Variants in CFAP418 observed in about 807,000 individuals in gnomAD.
CFAP418 encodes the protein cilia- and flagella-associated protein 418.
A neutral mutation model predicts 24.7 loss-of-function variants in CFAP418; 27 were observed. The ratio of observed to expected loss-of-function variants is 1.09; its 90% confidence interval spans 0.81 to 1.51. The LOEUF is 1.51. Ranked by LOEUF, CFAP418 falls within the 40% of genes most tolerant of loss-of-function variation. The pLI, the probability that CFAP418 is intolerant of heterozygous loss-of-function variation, is 0.00. For missense variants in CFAP418, 257 were observed against 255.2 expected, an observed-to-expected ratio of 1.01 and a Z score of -0.05; for synonymous variants, 74 against 87.3, an observed-to-expected ratio of 0.85 and a Z score of 0.85.
intron 2 of CFAP418, among the ~76,000 whole-genome samples, chr8:95,260,743 TACTA>T (rs761450725): frequency 1.6e-4 from 25 of 152,190 alleles, no homozygotes; most frequent in Non-Finnish European, 2.5e-4. Context: ...CAAATTACTC[TACTA>T]ACTTTTAGGC....
intron 5 of CFAP418, among the ~76,000 whole-genome samples, chr8:95,250,970 A>G (rs145463477): frequency 4.6e-5 from 7 of 152,346 alleles, no homozygotes; most frequent in African/African-American, 1.7e-4. Flanking sequence ...TCTTTATGCT[A>G]TTGAAAAGTG....
intron 1 of CFAP418, 34 bp downstream of exon 1, chr8:95,269,001 T>TA (rs758680039): frequency 6.2e-7 from 1 of 1,606,970 alleles, no homozygotes; most frequent in Non-Finnish European, 8.5e-7. Context: ...AGCAGGGCTT[T>TA]ACCAGAACAG....
intron 1 of CFAP418, among the ~76,000 whole-genome samples, chr8:95,268,542 G>A (rs1052783083): frequency 3.3e-5 from 5 of 151,944 alleles, no homozygotes; most frequent in Admixed American, 2.0e-4. Flanking sequence ...TGGGGTCTGA[G>A]GCAATGGGAT....
chr8:95,253,789 T>G (rs954109087), intron 4 of CFAP418, among the ~76,000 whole-genome samples: 4 of 152,228 alleles, frequency 2.6e-5, no homozygotes, highest in African/African-American at 9.6e-5. Context: ...TGCAAATTGA[T>G]AGTTCCCAAA....
chr8:95,255,933 A>G (rs1283723547), intron 4 of CFAP418, among the ~76,000 whole-genome samples: 1 of 152,244 alleles, frequency 6.6e-6, no homozygotes, highest in East Asian at 1.9e-4. Context: ...GCAACTAATA[A>G]AAAATCTGTG....
chr8:95,268,593 G>T (rs537999419), intron 1 of CFAP418, among the ~76,000 whole-genome samples: 12 of 152,118 alleles, frequency 7.9e-5, no homozygotes, highest in Admixed American at 7.9e-4. Context: ...GATGAGAACC[G>T]CTTGGCCACA....
chr8:95,267,847 G>T (rs1368267151), intron 1 of CFAP418, among the ~76,000 whole-genome samples: 2 of 151,504 alleles, frequency 1.3e-5, no homozygotes, highest in African/African-American at 2.4e-5. Context: ...AAGAGTTACT[G>T]AAGGTCAATA....
intron 4 of CFAP418, among the ~76,000 whole-genome samples, chr8:95,253,929 T>C (rs1396634918): frequency 6.6e-6 from 1 of 152,252 alleles, no homozygotes; most frequent in Non-Finnish European, 1.5e-5. Flanking sequence ...TAATTTAGAA[T>C]TTCCTGACAT....
At chr8:95,263,021 T>C (rs1467982920) in intron 2 of CFAP418, among the ~76,000 whole-genome samples, 1 of 152,174 alleles carries the variant, frequency 6.6e-6, no homozygotes, top group African/African-American at 2.4e-5. Context: ...AATGAAAGTA[T>C]AAATGTATGG....
Position 95,252,266 on chromosome 8 carries a change from C to T in CFAP418, c.392G>A (p.Arg131His), listed in dbSNP as rs139137766. 1.6e-4 allele frequency: 263 copies of T among 1,613,002 alleles called. 3 individuals carry two copies. In the African/African-American group the frequency reaches 2.8e-3, roughly 17 times the overall value. ...TACCAAGAAATCACAGGCTATACAA[C>T]GCAGATGGTCACATGCTCTGTTCAG... ...NISWRACDHL[R>H]CIACDFLVVS... Residue 131 changes from arginine (R) to histidine (H), a missense_variant, in exon 5 of 6, where the codon CGT (arginine) becomes CAT (histidine). By Grantham distance (29) the Arg-to-His change is conservative. Transcript: ENST00000286688.
chr8:95,248,273 C>G (rs1272203008), intron 5 of CFAP418, among the ~76,000 whole-genome samples: 1 of 152,180 alleles, frequency 6.6e-6, no homozygotes, highest in African/African-American at 2.4e-5. Flanking sequence ...TGGCAATCCT[C>G]TAGGCCAGTT....
At chr8:95,261,902 A>T (rs1023844080) in intron 2 of CFAP418, among the ~76,000 whole-genome samples, 1 of 152,240 alleles carries the variant, frequency 6.6e-6, no homozygotes, top group Non-Finnish European at 1.5e-5. Context: ...AATGAAGAGC[A>T]ACAAAATGAT....
At chr8:95,247,840 A>AC in intron 5 of CFAP418, 70 bp from the exon 6 acceptor site, 1 of 1,366,412 alleles carries the variant, frequency 7.3e-7, no homozygotes, top group African/African-American at 1.5e-5. Flanking sequence ...AAAAAAAAAA[A>AC]AGGTCATTGC....
At chr8:95,251,472 A>C (rs1403607684) in intron 5 of CFAP418, among the ~76,000 whole-genome samples, 2 of 152,310 alleles carry the variant, frequency 1.3e-5, no homozygotes, top group Non-Finnish European at 2.9e-5. Context: ...TGGATGATGG[A>C]TGGATGGGAG....
intron 1 of CFAP418, chr8:95,268,720 T>C (rs1427216280): frequency 4.0e-5 from 7 of 174,504 alleles, no homozygotes; most frequent in Non-Finnish European, 7.9e-5. Flanking sequence ...AGAAACAGGA[T>C]GAAGGAGACT....
chr8:95,253,254 G>C (rs550262243), intron 4 of CFAP418, among the ~76,000 whole-genome samples: 1 of 152,000 alleles, frequency 6.6e-6, no homozygotes, highest in Admixed American at 6.5e-5. Context: ...AGATTGCAGT[G>C]AGGGGAGATC....
Position 95,260,466 on chromosome 8 carries a change from A to T in CFAP418, c.308+2T>A. 6.3e-7 allele frequency: 1 copy of T among 1,582,206 alleles called. No homozygotes were observed. Among genetic ancestry groups the T allele is most frequent in the Non-Finnish European group, 8.6e-7 (1 of 1,166,638 alleles). ...TAATTCACCAAAGCAATCTCAACTT[A>T]CCTTTTACCAAGGCCTTCAATGGAA... is the stretch of plus-strand genomic sequence containing the variant. On this transcript the variant is annotated splice_donor_variant, in intron 3 of 5. Coordinates refer to ENST00000286688, the MANE Select transcript of CFAP418 (RefSeq NM_177965.4). LOFTEE classifies it high-confidence loss of function.
intron 2 of CFAP418, among the ~76,000 whole-genome samples, chr8:95,261,119 G>A (rs184259980): frequency 1.1e-4 from 16 of 152,276 alleles, no homozygotes; most frequent in Middle Eastern, 3.4e-3. Flanking sequence ...TTTATTAAGT[G>A]TTAACTGGTA....
chr8:95,264,608 C>G (rs536312559), intron 1 of CFAP418, among the ~76,000 whole-genome samples: 1 of 152,108 alleles, frequency 6.6e-6, no homozygotes, highest in Non-Finnish European at 1.5e-5. Flanking sequence ...CTTTCTTTAG[C>G]GTTTGTATGA....
Sources: gnomAD v4.1 joint callset for allele counts (sites outside exome capture counted in the v4.1 genomes callset) on GRCh38, gnomAD v4.1.1 for gene constraint, MANE v1.5 for transcripts, NCBI Gene and HGNC (gene_info 2026-07-23, HGNC 2026-07-21) for gene names.